MAGI2: variants seen among roughly 807,000 people sequenced by gnomAD.
MAGI2 encodes the protein membrane associated guanylate kinase, WW and PDZ domain containing 2.
In MAGI2, 35 loss-of-function variants were observed where a neutral mutation model predicts 133.3. The ratio of observed to expected loss-of-function variants is 0.26; its 90% CI spans 0.20 to 0.35. The LOEUF (loss-of-function observed/expected upper bound fraction) is 0.35, where lower values mean the gene tolerates loss of function less well. Ranked by LOEUF, MAGI2 falls within the 10% of genes least tolerant of loss-of-function variation. The pLI is 1.00. For synonymous variants in MAGI2, 729 were observed against 710.6 expected (o/e 1.03, Z -0.41); for missense variants, 1,636 against 1,863.4 (o/e 0.88, Z 2.25).
chr7:78,961,908 C>A (rs1415974237), intron 2 of MAGI2, among the ~76,000 whole-genome samples: 1 of 151,960 alleles, frequency 6.6e-6, no homozygotes, highest in Non-Finnish European at 1.5e-5. Context: ...CCTACTATAC[C>A]CCTAGGCTAT....
chr7:78,628,917 C>T (rs1377965245), intron 2 of MAGI2, among the ~76,000 whole-genome samples: 2 of 151,556 alleles, frequency 1.3e-5, no homozygotes, highest in Non-Finnish European at 2.9e-5. Flanking sequence ...ATTTAGAACA[C>T]ACTCCAATCA....
chr7:78,750,502 C>G (rs761012516), intron 2 of MAGI2, among the ~76,000 whole-genome samples: 1 of 152,158 alleles, frequency 6.6e-6, no homozygotes, highest in Non-Finnish European at 1.5e-5. Context: ...GAATTGACAG[C>G]AATTTTTATA....
At chr7:78,715,370 C>T (rs1819600245) in intron 2 of MAGI2, among the ~76,000 whole-genome samples, 1 of 152,080 alleles carries the variant, frequency 6.6e-6, no homozygotes, top group Non-Finnish European at 1.5e-5. Context: ...GTAAACTCTA[C>T]CTGCAAGGAG....
At chr7:79,016,798 G>C (rs1225772357) in intron 1 of MAGI2, among the ~76,000 whole-genome samples, 1 of 152,104 alleles carries the variant, frequency 6.6e-6, no homozygotes, top group Non-Finnish European at 1.5e-5. Context: ...CCACCCCTAT[G>C]CCAATATTGC....
At chr7:78,993,845 G>A (rs952148311) in intron 2 of MAGI2, among the ~76,000 whole-genome samples, 41 of 151,892 alleles carry the variant, frequency 2.7e-4, no homozygotes, top group African/African-American at 9.6e-4. Flanking sequence ...GACATTGAAA[G>A]CAATAAAAAA....
intron 9 of MAGI2, among the ~76,000 whole-genome samples, chr7:78,291,262 C>A (rs1402925825): frequency 6.6e-6 from 1 of 152,140 alleles, no homozygotes; most frequent in Non-Finnish European, 1.5e-5. Context: ...CACCACTGAT[C>A]CCACAGAAAT....
At chr7:78,296,457 C>CTT in intron 9 of MAGI2, among the ~76,000 whole-genome samples, 1 of 152,124 alleles carries the variant, frequency 6.6e-6, no homozygotes. Context: ...ATTCTATTCA[C>CTT]TTATTCTGGT....
At chr7:78,477,185 C>T (rs1295028588) in intron 6 of MAGI2, among the ~76,000 whole-genome samples, 1 of 151,868 alleles carries the variant, frequency 6.6e-6, no homozygotes, top group Admixed American at 6.6e-5. Context: ...CAAACCTAAC[C>T]ACCGAGGGAC....
chr7:78,615,934 A>G (rs1807039898), intron 3 of MAGI2: 1 of 152,216 alleles, frequency 6.6e-6, no homozygotes, highest in African/African-American at 2.4e-5. Context: ...ACATAAAAGG[A>G]AAAAAGAGAA....
chr7:78,372,948 C>T (rs776396682), intron 6 of MAGI2, among the ~76,000 whole-genome samples: 8 of 151,794 alleles, frequency 5.3e-5, no homozygotes, highest in Non-Finnish European at 7.4e-5. Context: ...AAGGGCACAG[C>T]TTTACCTCTG....
intron 10 of MAGI2, among the ~76,000 whole-genome samples, chr7:78,211,587 C>CT (rs1787773595): frequency 6.6e-6 from 1 of 152,118 alleles, no homozygotes; most frequent in African/African-American, 2.4e-5. Context: ...GGCTCAGATT[C>CT]TTTTTTCTGG....
chr7:79,042,283 C>T (rs1374741468), intron 1 of MAGI2, among the ~76,000 whole-genome samples: 1 of 152,144 alleles, frequency 6.6e-6, no homozygotes, highest in East Asian at 1.9e-4. Context: ...TTATGTGATA[C>T]ATTTCTGTGT....
intron 20 of MAGI2, among the ~76,000 whole-genome samples, chr7:78,120,615 A>G (rs4386901): frequency 0.69 from 104,491 of 151,294 alleles, 36,315 homozygotes; most frequent in African/African-American, 0.75. Flanking sequence ...TAAAGAATCC[A>G]TATACAGACC....
At chr7:78,214,142 G>A (rs1167605835) in intron 10 of MAGI2, among the ~76,000 whole-genome samples, 4 of 152,162 alleles carry the variant, frequency 2.6e-5, no homozygotes, top group Admixed American at 6.5e-5. Context: ...GAGGTAATCC[G>A]AAGCCCACTG....
chr7:79,289,719 G>T (rs1836308378), intron 1 of MAGI2, among the ~76,000 whole-genome samples: 1 of 152,080 alleles, frequency 6.6e-6, no homozygotes, highest in Non-Finnish European at 1.5e-5. Context: ...AATCTCACTA[G>T]AAAATTGATT....
intron 3 of MAGI2, among the ~76,000 whole-genome samples, chr7:78,539,714 G>C (rs1438813014): frequency 6.6e-6 from 1 of 152,154 alleles, no homozygotes; most frequent in African/African-American, 2.4e-5. Context: ...TGGTACTGGG[G>C]AATGTCTGCA....
At chr7:78,811,521 C>A (rs1789047058) in intron 2 of MAGI2, among the ~76,000 whole-genome samples, 1 of 151,924 alleles carries the variant, frequency 6.6e-6, no homozygotes, top group African/African-American at 2.4e-5. Flanking sequence ...GGGAAAAAAT[C>A]ATATATTCTT....
chr7:78,379,409 T>G (rs1794722915), intron 6 of MAGI2, among the ~76,000 whole-genome samples: 1 of 152,022 alleles, frequency 6.6e-6, no homozygotes, highest in African/African-American at 2.4e-5. Flanking sequence ...GTTTACAGTC[T>G]TCCTATTAGA....
chr7:79,305,638 C>G (rs1013655169), intron 1 of MAGI2, among the ~76,000 whole-genome samples: 1 of 152,058 alleles, frequency 6.6e-6, no homozygotes. Flanking sequence ...AGGCTGGTCA[C>G]GGTGGCTTAC....
Sources: allele counts gnomAD v4.1 joint callset (sites outside exome capture counted in the v4.1 genomes callset), GRCh38; gene constraint gnomAD v4.1.1; transcripts MANE v1.5; gene names NCBI Gene and HGNC (gene_info 2026-07-23, HGNC 2026-07-21).